The following PPP1R1A variants were observed in gnomAD, a reference collection of about 807,000 sequenced individuals.
PPP1R1A encodes the protein protein phosphatase 1 regulatory subunit 1A.
PPP1R1A carries 18 observed loss-of-function variants against 23.9 expected under a neutral mutation model. The observed-to-expected ratio is 0.75, with a 90% confidence interval of 0.52 to 1.12. The LOEUF is 1.12. Among genes scored for constraint, PPP1R1A ranks in the 50% most tolerant of loss-of-function variants. The pLI is 0.00. For missense variants in PPP1R1A, 207 were observed against 223.8 expected (o/e 0.92, Z 0.48); for synonymous variants, 84 against 80.7 (o/e 1.04, Z -0.22).
intron 1 of PPP1R1A, 42 bp downstream of exon 1, chr12:54,588,363 C>T (rs530818079): frequency 4.1e-6 from 6 of 1,475,030 alleles, no homozygotes; most frequent in East Asian, 2.9e-5. Flanking sequence ...GTCCCTCGTC[C>T]TTGGCTGGGC....
chr12:54,588,341 A>T (rs964059860), intron 1 of PPP1R1A, 64 bp downstream of exon 1: 1 of 1,315,508 alleles, frequency 7.6e-7, no homozygotes, highest in African/African-American at 1.6e-5. Flanking sequence ...CCTGGGTCCC[A>T]CCAGTCCAGG....
intron 1 of PPP1R1A, among the ~76,000 whole-genome samples, chr12:54,587,386 G>A (rs1053486335): frequency 2.6e-5 from 4 of 152,228 alleles, no homozygotes; most frequent in African/African-American, 9.6e-5. Context: ...GAATGGGAAT[G>A]TCTAGGCAAA....
chr12:54,583,070 C>T, intron 3 of PPP1R1A, 141 bp downstream of exon 3: 1 of 853,712 alleles, frequency 1.2e-6, no homozygotes, highest in Non-Finnish European at 1.8e-6. Context: ...TATATGTTCA[C>T]TCATGCACAT....
chr12:54,579,953 C>G lies in PPP1R1A; in HGVS notation c.*434G>C. 1 of 994,440 alleles carries G rather than the reference C, an allele frequency of 1.0e-6. No individual in the cohort carries two copies. Among genetic ancestry groups the G allele is most frequent in the Non-Finnish European group, 1.2e-6 (1 of 835,292 alleles). The allele number at this position is 994,440 out of a possible 1,614,324, so 61.6% of individuals were successfully genotyped here. A position where few individuals can be genotyped will look rare whatever the true frequency, so the allele number is the denominator to read the frequency against. ...CACAGGCCTTAGAGCGCCGAGTCTT[C>G]CAGCTGCAGGGCAGGCCTGTGAGGT... On this transcript the variant is annotated 3_prime_UTR_variant, in exon 7 of 7. Transcript: ENST00000257905.
At position 54,583,215 on chromosome 12, in the gene PPP1R1A, A is replaced by AG; in HGVS notation, c.178dup (p.Leu60ProfsTer30). 1 of 1,546,788 alleles carries AG rather than the reference A, an allele frequency of 6.5e-7. No homozygotes were observed. The highest frequency in any genetic ancestry group is 8.7e-7 in the Non-Finnish European group (1 of 1,151,972). On this transcript the variant is annotated frameshift_variant, in exon 3 of 7. Coordinates refer to ENST00000257905, the MANE Select transcript of PPP1R1A (RefSeq NM_006741.4). LOFTEE classifies it high-confidence loss of function. ...TAGTGGGATGGGCCAGCTCACCTTG[A>AG]GATGTGGGTTGGGGATCCGGTCTTC... is the stretch of plus-strand genomic sequence containing the variant.
At chr12:54,580,736 C>T (rs995078563) in intron 6 of PPP1R1A, among the ~76,000 whole-genome samples, 4 of 152,218 alleles carry the variant, frequency 2.6e-5, no homozygotes, top group Non-Finnish European at 5.9e-5. Flanking sequence ...TACACAAAGT[C>T]TAATCTCAAT....
At position 54,582,137 on chromosome 12, in the gene PPP1R1A, G is replaced by A; in HGVS notation, c.248-6C>T. On this transcript the variant is annotated splice_region_variant and splice_polypyrimidine_tract_variant and intron_variant, in intron 4 of 6. Coordinates refer to ENST00000257905, the MANE Select transcript of PPP1R1A (RefSeq NM_006741.4). ...TTCAACCATCATCTGGAGCTCTGGG[G>A]ACACAGAGAAAGGGAGGGAACACTG... The A allele has an allele frequency of 6.2e-7, 1 of 1,611,154 alleles. No individual in the cohort carries two copies. The highest frequency in any genetic ancestry group is 8.5e-7 in the Non-Finnish European group (1 of 1,178,532).
intron 4 of PPP1R1A, among the ~76,000 whole-genome samples, chr12:54,582,353 T>C (rs1260483389): frequency 6.6e-6 from 1 of 152,146 alleles, no homozygotes; most frequent in East Asian, 1.9e-4. Flanking sequence ...AAGGGAGGCA[T>C]AGGAGAAGAG....
At chr12:54,584,456 A>G in intron 1 of PPP1R1A, 136 bp from the exon 2 acceptor site, 1 of 782,650 alleles carries the variant, frequency 1.3e-6, no homozygotes, top group Non-Finnish European at 2.0e-6. Context: ...ATGCAGCTGG[A>G]GGCCATTATC....
intron 6 of PPP1R1A, 92 bp downstream of exon 6, chr12:54,580,852 C>T (rs1310887712): frequency 8.9e-7 from 1 of 1,127,286 alleles, no homozygotes; most frequent in Non-Finnish European, 1.4e-6. Flanking sequence ...CTTTGTTTTC[C>T]TTTTCCTAGA....
chr12:54,579,296 C>T lies in PPP1R1A; in HGVS notation c.*1091G>A, dbSNP rs554493380. 77 of 984,894 alleles carry T rather than the reference C, an allele frequency of 7.8e-5. No homozygotes were observed. Among genetic ancestry groups the T allele is most frequent in the African/African-American group, 6.8e-4 (39 of 57,150 alleles). 61.0% of individuals were successfully genotyped at this position (984,894 alleles called of 1,614,324 possible). ...GACCAAGCATCTTCACATACATACACTCTTTCCAGCATGATAAAATCTGGG... is the reference window on the plus strand; with the variant it reads ...GACCAAGCATCTTCACATACATACATTCTTTCCAGCATGATAAAATCTGGG... On this transcript the variant is annotated 3_prime_UTR_variant, in exon 7 of 7. Transcript: ENST00000257905.
chr12:54,582,168 G>A, intron 4 of PPP1R1A, 37 bp from the exon 5 acceptor site: 2 of 1,586,840 alleles, frequency 1.3e-6, no homozygotes, highest in Non-Finnish European at 1.7e-6. Flanking sequence ...CACTGGATAT[G>A]ACTGCCTAGC....
chr12:54,587,535 C>T (rs531419427), intron 1 of PPP1R1A, among the ~76,000 whole-genome samples: 30 of 152,348 alleles, frequency 2.0e-4, no homozygotes, highest in African/African-American at 7.0e-4. Context: ...CTCACACACT[C>T]TCATACACTG....
intron 4 of PPP1R1A, 87 bp downstream of exon 4, chr12:54,582,645 T>A: frequency 6.8e-7 from 1 of 1,479,028 alleles, no homozygotes; most frequent in Non-Finnish European, 9.4e-7. Context: ...AAAGGCAGAT[T>A]TAACGACCTC....
At position 54,579,458 on chromosome 12, in the gene PPP1R1A, C is replaced by G. The variant is rs1295061865; in HGVS notation, c.*929G>C. The G allele has an allele frequency of 1.8e-5, 18 of 985,268 alleles. No homozygotes were observed. Among genetic ancestry groups the G allele is most frequent in the Non-Finnish European group, 1.4e-5 (12 of 829,944 alleles). 61.0% of individuals were successfully genotyped at this position (985,268 alleles called of 1,614,324 possible). ...GACCTGACGCTTCTCAGGCTCTGCT[C>G]TTGCCTCTGTACCACATGCTTCAGC... is the stretch of plus-strand genomic sequence containing the variant. On this transcript the variant is annotated 3_prime_UTR_variant, in exon 7 of 7. Transcript: ENST00000257905.
Position 54,580,153 on chromosome 12 carries a change from T to C in PPP1R1A, c.*234A>G. On this transcript the variant is annotated 3_prime_UTR_variant, in exon 7 of 7. Transcript: ENST00000257905. ...AGGCTTCTGCCTAGCTCCTGTTTCT[T>C]CCTTCCCAGAGGCAGCTTGGCAGGA... The C allele has an allele frequency of 7.4e-7, 1 of 1,343,222 alleles. No individual in the cohort carries two copies. Among genetic ancestry groups the C allele is most frequent in the South Asian group, 1.7e-5 (1 of 57,642 alleles). The allele number at this position is 1,343,222 out of a possible 1,614,324, so 83.2% of individuals were successfully genotyped here. A position where few individuals can be genotyped will look rare whatever the true frequency, so the allele number is the denominator to read the frequency against.
intron 4 of PPP1R1A, 103 bp downstream of exon 4, chr12:54,582,629 C>T (rs888252072): frequency 1.2e-5 from 16 of 1,368,086 alleles, no homozygotes; most frequent in South Asian, 6.0e-5. Context: ...ACAGTTCTAC[C>T]ATAATAAAGG....
rs997793949 is a variant in PPP1R1A, at chr12:54,581,903, C to T, written c.403+73G>A. ...CCAGGCTCCAACTCTTTCCCCTCCC[C>T]GCAGTGGGTAAGGCTTGCCTCCTGC... On this transcript the variant is annotated intron_variant, in intron 5 of 6. Transcript: ENST00000257905. The surrounding 1 kb of genome is among the most constrained non-coding windows in gnomAD (Gnocchi z 4.1). 1.7e-5 allele frequency: 25 copies of T among 1,505,540 alleles called. No individual in the cohort carries two copies. The highest frequency in any genetic ancestry group is 4.0e-5 in the South Asian group (3 of 74,530). The allele number at this position is 1,505,540 out of a possible 1,614,324, so 93.3% of individuals were successfully genotyped here.
Position 54,582,025 on chromosome 12 carries a change from G to C in PPP1R1A, c.354C>G (p.Ile118Met). The part of the protein sequence containing the change: ...TGTQESRPPG[I>M]PDTEVESRLG... ...GCCTTGACTCCACTTCTGTGTCTGG[G>C]ATCCCAGGTGGGCGGGACTCCTGGG... The change falls in exon 5 of 7, where the codon ATC becomes ATG. Residue 118 changes from isoleucine to methionine, a missense_variant. By Grantham distance (10) the Ile-to-Met change is conservative. Coordinates refer to ENST00000257905, the MANE Select transcript of PPP1R1A (RefSeq NM_006741.4). The C allele has an allele frequency of 6.2e-7, 1 of 1,613,690 alleles. No individual in the cohort carries two copies. Among genetic ancestry groups the C allele is most frequent in the Non-Finnish European group, 8.5e-7 (1 of 1,179,776 alleles).
Sources: allele counts gnomAD v4.1 joint callset (sites outside exome capture counted in the v4.1 genomes callset), GRCh38; gene constraint gnomAD v4.1.1; non-coding constraint Gnocchi (gnomAD v3.1); transcripts MANE v1.5; gene names NCBI Gene and HGNC (gene_info 2026-07-23, HGNC 2026-07-21).